Variants in TRMT1L observed in about 807,000 individuals in gnomAD.
TRMT1L encodes the protein tRNA methyltransferase 1L, also known as tRNA (guanine(27)-N(2))-dimethyltransferase.
A neutral mutation model predicts 81.6 loss-of-function variants in TRMT1L; 28 were observed. That is an observed-to-expected ratio of 0.34 (90% CI 0.25 to 0.47). The LOEUF is 0.47. Among genes scored for constraint, TRMT1L ranks in the 20% least tolerant of loss-of-function variants. The pLI is 1.00. For synonymous variants in TRMT1L, 301 were observed against 303.2 expected, an observed-to-expected ratio of 0.99 and a Z score of 0.07; for missense variants, 739 against 877.1, an observed-to-expected ratio of 0.84 and a Z score of 1.99.
chr1:185,147,282 C>A, intron 3 of TRMT1L, 36 bp from the exon 4 acceptor site: 1 of 1,477,186 alleles, frequency 6.8e-7, no homozygotes, highest in South Asian at 1.2e-5. Flanking sequence ...ATACATTGTT[C>A]ATTAAATATT....
intron 3 of TRMT1L, among the ~76,000 whole-genome samples, chr1:185,148,549 T>C (rs989778463): frequency 6.6e-6 from 1 of 152,158 alleles, no homozygotes; most frequent in Non-Finnish European, 1.5e-5. Flanking sequence ...AGCAATACCA[T>C]GTGAAAGAAC....
rs1652419698 is a variant in TRMT1L, at chr1:185,118,608, AT to A, written c.*1410del. On this transcript the variant is annotated 3_prime_UTR_variant, in exon 15 of 15. Coordinates refer to ENST00000367506, the MANE Select transcript of TRMT1L (RefSeq NM_030934.5). ...TAACTGGCAAGAATTACACAGCAGA[AT>A]TTTTTTAATGGTCATTATAGAAACT... is the stretch of plus-strand genomic sequence containing the variant. The A allele has an allele frequency of 2.6e-5, 4 of 152,106 alleles. No homozygotes were observed. The highest frequency in any genetic ancestry group is 9.7e-5 in the African/African-American group (4 of 41,428). 9.4% of individuals were successfully genotyped at this position (152,106 alleles called of 1,614,324 possible).
intron 7 of TRMT1L, among the ~76,000 whole-genome samples, 178 bp downstream of exon 7, chr1:185,143,179 A>G (rs1653095567): frequency 3.3e-5 from 5 of 152,174 alleles, no homozygotes; most frequent in Admixed American, 3.3e-4. Flanking sequence ...AGCGATGGAT[A>G]CACAGAGACT....
Position 185,120,417 on chromosome 1 carries a change from G to A in TRMT1L, c.1915C>T (p.His639Tyr). 6.2e-7 allele frequency: 1 copy of A among 1,600,956 alleles called. No homozygotes were observed. Among genetic ancestry groups the A allele is most frequent in the Non-Finnish European group, 8.5e-7 (1 of 1,174,646 alleles). The change falls in exon 14 of 15, where the codon CAC becomes TAC. Residue 639 changes from histidine to tyrosine, a missense_variant. Coordinates refer to ENST00000367506, the MANE Select transcript of TRMT1L (RefSeq NM_030934.5). ...TTCATTCCTTTAATGCTGTGTCTGT[G>A]AATGTTGTAATAAAAGGGAGGATGT... ...TEHPPFYYNIHRHSIKGMNMP... is the reference protein window; with the variant it reads ...TEHPPFYYNIYRHSIKGMNMP...
intron 4 of TRMT1L, among the ~76,000 whole-genome samples, chr1:185,146,060 G>A (rs1470016957): frequency 6.6e-6 from 1 of 151,976 alleles, no homozygotes; most frequent in Non-Finnish European, 1.5e-5. Flanking sequence ...ACAGAGCACT[G>A]CCACCCAGCA....
Position 185,150,431 on chromosome 1 carries a change from C to T in TRMT1L, c.408G>A (p.Lys136=), listed in dbSNP as rs117998090. ...GTAAATTCTGGAGGTGACGACGAAGCTTATGGCTATTACAAGCTCTGAATT... is the reference window on the plus strand; with the variant it reads ...GTAAATTCTGGAGGTGACGACGAAGTTTATGGCTATTACAAGCTCTGAATT... ...KEKFRACNSH[K]LRRHLQNLHW... is the part of the protein sequence containing the mutation. Residue 136 remains lysine (K), a synonymous_variant, in exon 3 of 15, where the codon AAG becomes AAA. Coordinates refer to ENST00000367506, the MANE Select transcript of TRMT1L (RefSeq NM_030934.5). 9,750 of 1,613,692 alleles carry T rather than the reference C, an allele frequency of 6.0e-3. 254 individuals are homozygous for T. The East Asian group carries it at 0.075, about 12-fold the overall frequency.
intron 2 of TRMT1L, 48 bp from the exon 3 acceptor site, chr1:185,150,540 A>G: frequency 7.4e-7 from 1 of 1,350,014 alleles, no homozygotes; most frequent in Non-Finnish European, 1.1e-6. Flanking sequence ...TCTAGTTATT[A>G]ATGCCTGGAT....
intron 1 of TRMT1L, among the ~76,000 whole-genome samples, chr1:185,154,029 C>T (rs1353354635): frequency 6.6e-6 from 1 of 152,130 alleles, no homozygotes; most frequent in Non-Finnish European, 1.5e-5. Context: ...GGCTAAGTGC[C>T]TAATGCAGTA....
chr1:185,148,274 T>C (rs1653240690), intron 3 of TRMT1L, among the ~76,000 whole-genome samples: 1 of 152,188 alleles, frequency 6.6e-6, no homozygotes, highest in South Asian at 2.1e-4. Context: ...TCCACTTAGA[T>C]GCATCTCACC....
In TRMT1L at chr1:185,156,568, G is replaced by C. The variant is rs772807778; in HGVS notation, c.145C>G (p.Pro49Ala). The change falls in exon 1 of 15, where the codon CCG becomes GCG. Residue 49 changes from proline (P) to alanine (A), a missense_variant. Physicochemically the swap from Pro to Ala is conservative, Grantham distance 27. Coordinates refer to ENST00000367506, the MANE Select transcript of TRMT1L (RefSeq NM_030934.5). ...PDSALDSAPT[P>A]ASAPAPAPAL... is the part of the protein sequence containing the mutation. ...GGGGCTGGGGCTGGAGCCGAGGCCG[G>C]AGTCGGAGCCGAGTCCAGAGCCGAA... The C allele has an allele frequency of 1.3e-6, 2 of 1,599,548 alleles. No homozygotes were observed.
chr1:185,139,385 A>G lies in TRMT1L; in HGVS notation c.1304T>C (p.Val435Ala), dbSNP rs1652979721. Residue 435 changes from valine (V) to alanine (A), a missense_variant, in exon 9 of 15, where the codon GTT becomes GCT. Coordinates refer to ENST00000367506, the MANE Select transcript of TRMT1L (RefSeq NM_030934.5). Reference sequence around the variant, plus strand: ...TTGGTACCTTGCCACTGCAGCTACAACAATTCTGGCTGCTAGTTCCTTGTA... The same window carrying G: ...TTGGTACCTTGCCACTGCAGCTACAGCAATTCTGGCTGCTAGTTCCTTGTA... Reference protein sequence around the residue: ...EYYKELAARIVVAAVARAAAR... With the variant: ...EYYKELAARIAVAAVARAAAR... 1 of 1,613,586 alleles carries G rather than the reference A, an allele frequency of 6.2e-7. No individual in the cohort carries two copies. Among genetic ancestry groups the G allele is most frequent in the Admixed American group, 1.7e-5 (1 of 59,974 alleles).
chr1:185,137,840 C>G (rs773713646), intron 9 of TRMT1L, 44 bp from the exon 10 acceptor site: 1 of 1,592,360 alleles, frequency 6.3e-7, no homozygotes, highest in African/African-American at 1.3e-5. Flanking sequence ...TTATCATTTT[C>G]CCTTGTTTGG....
chr1:185,120,175 C>T lies in TRMT1L; in HGVS notation c.2046G>A (p.Met682Ile). ...PMGVRTDAPL[M>I]QFKSILLKYS... Reference sequence around the variant, plus strand: ...ACTTTAAAAGGATAGATTTAAACTGCATCAGAGGTGCATCTGTGCGTACAC... The same window carrying T: ...ACTTTAAAAGGATAGATTTAAACTGTATCAGAGGTGCATCTGTGCGTACAC... The change falls in exon 15 of 15, where the codon ATG becomes ATA. Residue 682 changes from methionine (M) to isoleucine (I), a missense_variant. Met to Ile is a conservative substitution (Grantham distance 10). Coordinates refer to ENST00000367506, the MANE Select transcript of TRMT1L (RefSeq NM_030934.5). 1.9e-6 allele frequency: 3 copies of T among 1,613,866 alleles called. No individual in the cohort carries two copies. The highest frequency in any genetic ancestry group is 2.7e-5 in the African/African-American group (2 of 75,008).
intron 9 of TRMT1L, 44 bp from the exon 10 acceptor site, chr1:185,137,840 C>A (rs773713646): frequency 6.3e-7 from 1 of 1,592,360 alleles, no homozygotes; most frequent in Non-Finnish European, 8.6e-7. Context: ...TTATCATTTT[C>A]CCTTGTTTGG....
Position 185,140,050 on chromosome 1 carries a change from T to C in TRMT1L, c.1032A>G (p.Gly344=), listed in dbSNP as rs762359339. 4.3e-6 allele frequency: 7 copies of C among 1,613,664 alleles called. No homozygotes were observed. The African/African-American group carries it at 6.7e-5, about 15-fold the overall frequency. The part of the protein sequence containing the change: ...KEKSDDILEE[G]EKNLGNIKVT... ...CCTTAATATTACCAAGATTTTTCTC[T>C]CCTTCTTCAAGAATATCATCACTCT... The change falls in exon 8 of 15, where the codon GGA becomes GGG. Residue 344 remains glycine (G), a synonymous_variant. Coordinates refer to ENST00000367506, the MANE Select transcript of TRMT1L (RefSeq NM_030934.5).
chr1:185,129,840 C>T (rs960305133), intron 10 of TRMT1L, among the ~76,000 whole-genome samples: 11 of 108,792 alleles, frequency 1.0e-4, no homozygotes, highest in Middle Eastern at 3.8e-3. Context: ...TTAGCACTGA[C>T]GTAAAGTTTT....
At chr1:185,136,290 T>G (rs1652898016) in intron 10 of TRMT1L, among the ~76,000 whole-genome samples, 1 of 152,026 alleles carries the variant, frequency 6.6e-6, no homozygotes. Context: ...GTGCCTATAG[T>G]CCCAGGTACT....
intron 10 of TRMT1L, among the ~76,000 whole-genome samples, chr1:185,132,850 C>T (rs1652807327): frequency 6.6e-6 from 1 of 152,066 alleles, no homozygotes; most frequent in Non-Finnish European, 1.5e-5. Context: ...AGTGTCCACT[C>T]AAAATGAAGA....
At chr1:185,125,991 T>G (rs1652618659) in intron 11 of TRMT1L, among the ~76,000 whole-genome samples, 1 of 152,202 alleles carries the variant, frequency 6.6e-6, no homozygotes, top group African/African-American at 2.4e-5. Context: ...GGGGTGAATC[T>G]GATATGCTTC....
Sources: allele counts gnomAD v4.1 joint callset (sites outside exome capture counted in the v4.1 genomes callset), GRCh38; gene constraint gnomAD v4.1.1; transcripts MANE v1.5; gene names NCBI Gene and HGNC (gene_info 2026-07-23, HGNC 2026-07-21).